Variants in ZIM2 observed in about 807,000 individuals in gnomAD.
ZIM2 encodes zinc finger imprinted 2.
Under a neutral mutation model 38.6 loss-of-function variants are expected in ZIM2, and 14 were observed. That is an observed-to-expected ratio of 0.36 (90% CI 0.24 to 0.57). The LOEUF is 0.57. ZIM2 is among the 20% of genes least tolerant of loss of function. The pLI is 0.81. For missense variants in ZIM2, 680 were observed against 695.1 expected, an observed-to-expected ratio of 0.98 and a Z score of 0.24; for synonymous variants, 247 against 245.8, an observed-to-expected ratio of 1.00 and a Z score of -0.04.
At chr19:56,802,271 A>C (rs1034630882) in intron 9 of ZIM2, among the ~76,000 whole-genome samples, 4 of 152,164 alleles carry the variant, frequency 2.6e-5, no homozygotes, top group African/African-American at 9.7e-5. Flanking sequence ...GGGGCCACCT[A>C]CTTGGTTTTG....
At chr19:56,805,015 G>A (rs950411876) in intron 9 of ZIM2, among the ~76,000 whole-genome samples, 1 of 152,212 alleles carries the variant, frequency 6.6e-6, no homozygotes, top group Non-Finnish European at 1.5e-5. Flanking sequence ...AGAGTAGACT[G>A]GAGGGTTGGG....
chr19:56,823,757 T>C (rs533264095), intron 4 of ZIM2, 78 bp from the exon 5 acceptor site: 1 of 1,511,416 alleles, frequency 6.6e-7, no homozygotes, highest in African/African-American at 1.4e-5. Flanking sequence ...CTGAGCCGCA[T>C]CTCCCTGTCA....
At chr19:56,789,412 A>C (rs960709067) in intron 10 of ZIM2, among the ~76,000 whole-genome samples, 2 of 152,174 alleles carry the variant, frequency 1.3e-5, no homozygotes, top group Non-Finnish European at 2.9e-5. Flanking sequence ...TTCATATCTC[A>C]ATCGTATTAT....
intron 5 of ZIM2, 41 bp from the exon 6 acceptor site, chr19:56,822,877 G>A (rs1222929828): frequency 1.9e-6 from 3 of 1,596,434 alleles, no homozygotes; most frequent in Middle Eastern, 1.6e-4. Flanking sequence ...AAAGCTCTTT[G>A]ACACACCTGT....
intron 9 of ZIM2, chr19:56,811,575 A>C (rs973166072): frequency 2.0e-6 from 2 of 985,204 alleles, no homozygotes; most frequent in African/African-American, 3.5e-5. Context: ...GACTTACAGC[A>C]AGTTGCTTTC....
At chr19:56,833,268 C>CA (rs1489111781) in intron 2 of ZIM2, 8 of 459,788 alleles carry the variant, frequency 1.7e-5, no homozygotes, top group Non-Finnish European at 3.5e-5. Context: ...CTAGATTCAG[C>CA]CCCCTAACTC....
chr19:56,798,221 A>T (rs1250361794), intron 9 of ZIM2: 1 of 152,190 alleles, frequency 6.6e-6, no homozygotes, highest in Middle Eastern at 3.2e-3. Flanking sequence ...ACACGTTCCA[A>T]TTTTGTTGGA....
chr19:56,827,888 A>G (rs988819302), intron 2 of ZIM2, among the ~76,000 whole-genome samples: 4 of 152,220 alleles, frequency 2.6e-5, no homozygotes, highest in Non-Finnish European at 4.4e-5. Context: ...AGAAGGATAT[A>G]TAAGAGACTA....
chr19:56,809,474 G>A (rs919318947), intron 9 of ZIM2, among the ~76,000 whole-genome samples: 1 of 152,162 alleles, frequency 6.6e-6, no homozygotes, highest in African/African-American at 2.4e-5. Context: ...GTCGCCAACA[G>A]GGTTCCAGTT....
At position 56,823,623 on chromosome 19, in the gene ZIM2, A is replaced by C; in HGVS notation, c.73T>G (p.Ser25Ala). Residue 25 changes from serine (S) to alanine (A), a missense_variant, in exon 5 of 13, where the codon TCC becomes GCC. Coordinates refer to ENST00000629319, the MANE Select transcript of ZIM2 (RefSeq NM_001387356.1). The stretch of plus-strand genomic sequence containing the variant: ...GAATGGACTGAGTGAGGTGGTGAGG[A>C]CTCTCTTCTGTTCCGGGTCATGTCG... ...DDDMTRNRRE[S>A]SPPHSVHSFS... 6.2e-7 allele frequency: 1 copy of C among 1,613,550 alleles called. No individual in the cohort carries two copies. Among genetic ancestry groups the C allele is most frequent in the Non-Finnish European group, 8.5e-7 (1 of 1,179,898 alleles).
chr19:56,777,870 A>C (rs1461379632), intron 12 of ZIM2, among the ~76,000 whole-genome samples: 1 of 152,066 alleles, frequency 6.6e-6, no homozygotes, highest in Non-Finnish European at 1.5e-5. Context: ...GCCCTTGACT[A>C]TCTCTGTGAT....
intron 12 of ZIM2, among the ~76,000 whole-genome samples, chr19:56,779,018 G>C (rs370335927): frequency 6.6e-6 from 1 of 152,170 alleles, no homozygotes; most frequent in African/African-American, 2.4e-5. Flanking sequence ...CAAGTCTGAG[G>C]AGCTGATGTG....
rs372299134 is a variant in ZIM2 at position 56,836,088 on chromosome 19, A to T, written c.-297T>A. On this transcript the variant is annotated 5_prime_UTR_variant, in exon 2 of 13. Transcript: ENST00000629319. Reference sequence around the variant, plus strand: ...GCCAGTCGTCTCCAAGAAGGACGGAAGATCAAGAAGGCAAAGCTGTAGAGG... The same window carrying T: ...GCCAGTCGTCTCCAAGAAGGACGGATGATCAAGAAGGCAAAGCTGTAGAGG... 3.8e-5 allele frequency: 19 copies of T among 493,566 alleles called. No individual in the cohort carries two copies. In the East Asian group the frequency reaches 8.6e-4, roughly 22 times the overall value. The allele number at this position is 493,566 out of a possible 1,614,324, so 30.6% of individuals were successfully genotyped here.
intron 7 of ZIM2, among the ~76,000 whole-genome samples, chr19:56,819,762 G>C (rs1434740133): frequency 5.3e-5 from 8 of 152,128 alleles, no homozygotes; most frequent in Admixed American, 5.2e-4. Context: ...TAAATATTAA[G>C]AAAATTATGT....
chr19:56,813,791 TGCTGGC>T (rs763884675), intron 9 of ZIM2: 7 of 1,614,066 alleles, frequency 4.3e-6, no homozygotes, highest in Non-Finnish European at 4.2e-6. Flanking sequence ...CCTGTGCTGG[TGCTGGC>T]ACGTTCGATG....
intron 9 of ZIM2, among the ~76,000 whole-genome samples, chr19:56,801,129 G>A (rs1043121745): frequency 3.3e-5 from 5 of 151,894 alleles, no homozygotes; most frequent in South Asian, 2.1e-4. Flanking sequence ...TAGAGACAGG[G>A]CATTCATCAT....
chr19:56,828,565 C>T (rs546449281), intron 2 of ZIM2, among the ~76,000 whole-genome samples: 3 of 152,202 alleles, frequency 2.0e-5, no homozygotes, highest in South Asian at 2.1e-4. Flanking sequence ...AAGGCCACCA[C>T]GTGGGAGACA....
intron 2 of ZIM2, among the ~76,000 whole-genome samples, chr19:56,834,146 A>T (rs1413440840): frequency 6.6e-6 from 1 of 152,198 alleles, no homozygotes; most frequent in Admixed American, 6.5e-5. Flanking sequence ...AATAACAATA[A>T]TTGGCTCATC....
At chr19:56,792,486 A>G (rs994802598) in intron 9 of ZIM2, among the ~76,000 whole-genome samples, 20 of 142,140 alleles carry the variant, frequency 1.4e-4, no homozygotes, top group Admixed American at 1.1e-3. Flanking sequence ...AGCTGAGATC[A>G]TGCCACTGCA....
Sources: gnomAD v4.1 joint callset for allele counts (sites outside exome capture counted in the v4.1 genomes callset) on GRCh38, gnomAD v4.1.1 for gene constraint, MANE v1.5 for transcripts, NCBI Gene and HGNC (gene_info 2026-07-23, HGNC 2026-07-21) for gene names.